IGSF21: variants seen among roughly 807,000 people sequenced by gnomAD.
The protein encoded by IGSF21 is immunoglobin superfamily member 21.
In IGSF21, 28 loss-of-function variants were observed where a neutral mutation model predicts 46.8. That is an observed-to-expected ratio of 0.60 (90% CI 0.44 to 0.82). IGSF21 has a LOEUF of 0.82. Ranked by LOEUF, IGSF21 falls within the 40% of genes least tolerant of loss-of-function variation. IGSF21 has a pLI of 0.00. For synonymous variants in IGSF21, 284 were observed against 273.6 expected (o/e 1.04, Z -0.38); for missense variants, 624 against 665.5 (o/e 0.94, Z 0.69).
At chr1:18,376,050 C>T (rs2086277288) in intron 6 of IGSF21, 1 of 389,106 alleles carries the variant, frequency 2.6e-6, no homozygotes, top group Non-Finnish European at 4.9e-6. Flanking sequence ...GATGTGTGAA[C>T]CCCCCAAGAG....
rs146764100 is a variant in IGSF21, at chr1:18,374,388, T to C, written c.1016-1922T>C. Reference sequence around the variant, plus strand: ...AGCCATCAAACCTGCCACTGCCTGATGTTCCTAACGGCCCCGCGTGTTAGG... The same window carrying C: ...AGCCATCAAACCTGCCACTGCCTGACGTTCCTAACGGCCCCGCGTGTTAGG... On this transcript the variant is annotated intron_variant, in intron 6 of 9. Coordinates refer to ENST00000251296, the MANE Select transcript of IGSF21 (RefSeq NM_032880.5). Among the ~76,000 whole-genome samples the C allele has an allele frequency of 4.4e-4, 67 of 152,352 alleles. 2 individuals are homozygous for C. Among genetic ancestry groups the C allele is most frequent in the African/African-American group, 1.5e-3 (63 of 41,594 alleles).
intron 1 of IGSF21, among the ~76,000 whole-genome samples, chr1:18,174,688 G>A (rs562287012): frequency 6.6e-5 from 10 of 152,324 alleles, no homozygotes; most frequent in African/African-American, 2.4e-4. Flanking sequence ...CTCCCCCCAG[G>A]GAAGGATAAC....
At chr1:18,220,306 T>C (rs1570351131) in intron 1 of IGSF21, among the ~76,000 whole-genome samples, 1 of 152,064 alleles carries the variant, frequency 6.6e-6, no homozygotes, top group African/African-American at 2.4e-5. Context: ...CTTGGTTTCA[T>C]GGGAGGCTGT....
intron 1 of IGSF21, among the ~76,000 whole-genome samples, chr1:18,121,490 C>T (rs543379395): frequency 1.4e-4 from 22 of 152,176 alleles, no homozygotes; most frequent in South Asian, 2.1e-4. Context: ...TAATTTTGTC[C>T]GTTGAAATTC....
intron 2 of IGSF21, among the ~76,000 whole-genome samples, chr1:18,289,407 C>T (rs1020944995): frequency 4.6e-5 from 7 of 152,198 alleles, no homozygotes; most frequent in African/African-American, 1.7e-4. Context: ...TCAGTTCACC[C>T]GCAGTCTCTT....
At chr1:18,359,490 AG>A (rs879708877) in intron 4 of IGSF21, among the ~76,000 whole-genome samples, 17,978 of 134,062 alleles carry the variant, frequency 0.13, 1,615 homozygotes, top group African/African-American at 0.18. Context: ...GAAGGAAGGA[AG>A]GAAGGAAGGA....
intron 4 of IGSF21, among the ~76,000 whole-genome samples, chr1:18,340,550 T>C (rs1456872099): frequency 1.3e-5 from 2 of 152,214 alleles, no homozygotes; most frequent in African/African-American, 4.8e-5. Context: ...TCACATTCTC[T>C]AAGGGAAATA....
At chr1:18,153,752 G>A (rs1283627252) in intron 1 of IGSF21, among the ~76,000 whole-genome samples, 3 of 152,048 alleles carry the variant, frequency 2.0e-5, no homozygotes, top group Non-Finnish European at 1.5e-5. Context: ...GACACGAAGG[G>A]ACCAGGACTT....
chr1:18,308,870 C>T (rs554025302), intron 3 of IGSF21, among the ~76,000 whole-genome samples: 4 of 152,228 alleles, frequency 2.6e-5, no homozygotes, highest in African/African-American at 7.2e-5. Context: ...GATTTCAAGG[C>T]GGGCATCAGG....
chr1:18,204,520 T>C (rs1337125685), intron 1 of IGSF21, among the ~76,000 whole-genome samples: 2 of 152,198 alleles, frequency 1.3e-5, no homozygotes, highest in Non-Finnish European at 2.9e-5. Flanking sequence ...GTTCACCTCT[T>C]GGGTTACCAT....
intron 1 of IGSF21, among the ~76,000 whole-genome samples, chr1:18,176,658 CCTT>C (rs1328989994): frequency 6.6e-6 from 1 of 152,184 alleles, no homozygotes; most frequent in Non-Finnish European, 1.5e-5. Context: ...GACCCTGTGA[CCTT>C]CTTCCCACCA....
chr1:18,235,638 A>C (rs762003683), intron 2 of IGSF21, among the ~76,000 whole-genome samples: 1 of 152,200 alleles, frequency 6.6e-6, no homozygotes. Flanking sequence ...GAACAAAACG[A>C]ATAGGGGGTG....
At chr1:18,376,712 C>G in intron 7 of IGSF21, 88 bp from the exon 8 acceptor site, 1 of 1,302,996 alleles carries the variant, frequency 7.7e-7, no homozygotes, top group Non-Finnish European at 1.1e-6. Flanking sequence ...AATGCTGTGC[C>G]ACCCCTGGCC....
chr1:18,295,902 A>C (rs1403523055), intron 3 of IGSF21, among the ~76,000 whole-genome samples: 1 of 152,190 alleles, frequency 6.6e-6, no homozygotes, highest in Non-Finnish European at 1.5e-5. Context: ...CAGGAGGACA[A>C]AGTACAAGCT....
chr1:18,263,098 G>A (rs900693190), intron 2 of IGSF21, among the ~76,000 whole-genome samples: 3 of 152,176 alleles, frequency 2.0e-5, no homozygotes, highest in South Asian at 2.1e-4. Context: ...GTGGGAGGTC[G>A]TGCAGAAAAG....
chr1:18,165,107 G>A (rs893578479), intron 1 of IGSF21, among the ~76,000 whole-genome samples: 2 of 151,892 alleles, frequency 1.3e-5, no homozygotes, highest in South Asian at 2.1e-4. Context: ...GTGTATATGT[G>A]CCACATTTTC....
intron 2 of IGSF21, among the ~76,000 whole-genome samples, chr1:18,256,446 C>T (rs963951101): frequency 4.6e-5 from 7 of 152,148 alleles, no homozygotes; most frequent in South Asian, 4.1e-4. Context: ...GTCTCCCTAA[C>T]GTTTGTTTTC....
At chr1:18,338,163 C>T (rs1232252585) in intron 4 of IGSF21, among the ~76,000 whole-genome samples, 1 of 152,100 alleles carries the variant, frequency 6.6e-6, no homozygotes, top group Non-Finnish European at 1.5e-5. Flanking sequence ...ATGTTCTGGG[C>T]CTGAGGCTTG....
chr1:18,280,257 G>T (rs547648026), intron 2 of IGSF21, among the ~76,000 whole-genome samples: 40 of 152,206 alleles, frequency 2.6e-4, no homozygotes, highest in Non-Finnish European at 4.1e-4. Flanking sequence ...CTGCCCTGTT[G>T]ACTGGTGGGA....
Sources: allele counts gnomAD v4.1 joint callset (sites outside exome capture counted in the v4.1 genomes callset), GRCh38; gene constraint gnomAD v4.1.1; transcripts MANE v1.5; gene names NCBI Gene and HGNC (gene_info 2026-07-23, HGNC 2026-07-21).